The following VWA3B variants were observed in gnomAD, a reference collection of about 807,000 sequenced individuals.
VWA3B encodes the protein von Willebrand factor A domain-containing protein 3B.
VWA3B carries 138 observed loss-of-function variants against 158.3 expected under a neutral mutation model. The observed-to-expected ratio is 0.87, with a 90% CI of 0.76 to 1.00. The LOEUF (loss-of-function observed/expected upper bound fraction) is 1.00, where lower values mean the gene tolerates loss of function less well. Among genes scored for constraint, VWA3B ranks in the 50% least tolerant of loss-of-function variants. The probability of loss-of-function intolerance (pLI) is 0.00; values close to 1 mark genes in which losing one functional copy is unlikely to be tolerated. For synonymous variants in VWA3B, 596 were observed against 587.3 expected, an observed-to-expected ratio of 1.01 and a Z score of -0.21; for missense variants, 1,555 against 1,565.1, an observed-to-expected ratio of 0.99 and a Z score of 0.11.
the VWA3B span, among the ~76,000 whole-genome samples, chr2:98,325,288 A>G: frequency 6.6e-6 from 1 of 152,220 alleles, no homozygotes; most frequent in African/African-American, 2.4e-5. Flanking sequence ...ATAAAAAACG[A>G]CACATCACAT....
At chr2:98,245,554 G>A (rs1686340371) in intron 19 of VWA3B, 2 of 456,886 alleles carry the variant, frequency 4.4e-6, no homozygotes, top group East Asian at 6.9e-5. Context: ...TCACACTGAA[G>A]CACACAATGG....
In VWA3B at chr2:98,124,984, C is replaced by T. The variant is rs187698067; in HGVS notation, c.703-3255C>T. Among the ~76,000 whole-genome samples the T allele has an allele frequency of 1.5e-3, 221 of 152,332 alleles. 2 individuals are homozygous for T. Among genetic ancestry groups the T allele is most frequent in the Admixed American group, 0.011 (165 of 15,300 alleles). On this transcript the variant is annotated intron_variant, in intron 5 of 27. Coordinates refer to ENST00000477737, the MANE Select transcript of VWA3B (RefSeq NM_144992.5). ...TATGAAGTGGCAAGAGCTTTTTACT[C>T]ACTCTAAAGGAGCTGAATGGAACTC...
chr2:98,240,760 G>A (rs1204622345), intron 19 of VWA3B, among the ~76,000 whole-genome samples: 2 of 152,078 alleles, frequency 1.3e-5, no homozygotes. Flanking sequence ...CCAACAGTTA[G>A]AAATTTTTTT....
chr2:98,180,495 C>T (rs911718494), intron 8 of VWA3B, among the ~76,000 whole-genome samples: 1 of 152,350 alleles, frequency 6.6e-6, no homozygotes, highest in Admixed American at 6.5e-5. Flanking sequence ...CCTGGCCTCA[C>T]ATAACTTTTC....
intron 10 of VWA3B, among the ~76,000 whole-genome samples, chr2:98,192,576 A>T (rs1276554195): frequency 6.6e-6 from 1 of 152,272 alleles, no homozygotes; most frequent in Non-Finnish European, 1.5e-5. Flanking sequence ...AGCCATCTGG[A>T]TGTGTATGTG....
At chr2:98,107,485 A>T (rs1673761192) in intron 2 of VWA3B, among the ~76,000 whole-genome samples, 1 of 152,102 alleles carries the variant, frequency 6.6e-6, no homozygotes, top group East Asian at 1.9e-4. Flanking sequence ...ATTTGGTAAA[A>T]TTCTCCAGTG....
Position 98,270,859 on chromosome 2 carries a change from T to A in VWA3B, c.3021T>A (p.Asn1007Lys). The A allele has an allele frequency of 1.2e-6, 2 of 1,613,994 alleles. No homozygotes were observed. The highest frequency in any genetic ancestry group is 1.7e-6 in the Non-Finnish European group (2 of 1,179,914). ...AMELQEAAKK[N>K]YANKAPGEQQ... is the part of the protein sequence containing the mutation. Reference sequence around the variant, plus strand: ...AACTCCAGGAGGCTGCCAAGAAGAATTATGCAAACAAGGCCCCGGGAGAGG... The same window carrying A: ...AACTCCAGGAGGCTGCCAAGAAGAAATATGCAAACAAGGCCCCGGGAGAGG... The change falls in exon 22 of 28, where the codon AAT becomes AAA. Residue 1007 changes from asparagine to lysine, a missense_variant. By Grantham distance (94) the Asn-to-Lys change is moderately conservative (BLOSUM62 0). Transcript: ENST00000477737.
intron 21 of VWA3B, among the ~76,000 whole-genome samples, chr2:98,265,457 G>A (rs946941225): frequency 1.3e-5 from 2 of 151,954 alleles, no homozygotes; most frequent in Non-Finnish European, 2.9e-5. Context: ...TGGACATTTG[G>A]GTTGGTTCCA....
At chr2:98,180,283 C>T (rs1312222970) in intron 8 of VWA3B, among the ~76,000 whole-genome samples, 1 of 152,174 alleles carries the variant, frequency 6.6e-6, no homozygotes, top group Non-Finnish European at 1.5e-5. Context: ...CAACCTCCGC[C>T]TCCCAGGTTG....
chr2:98,329,196 T>TA, the VWA3B span, among the ~76,000 whole-genome samples: 1 of 152,164 alleles, frequency 6.6e-6, no homozygotes, highest in African/African-American at 2.4e-5. Flanking sequence ...GGAAATAGAT[T>TA]AGATCATAGA....
chr2:98,292,899 G>A (rs1418592951), intron 23 of VWA3B, among the ~76,000 whole-genome samples: 2 of 151,984 alleles, frequency 1.3e-5, no homozygotes, highest in African/African-American at 4.8e-5. Context: ...AGAAGACAGA[G>A]GTTGCAGTGA....
intron 10 of VWA3B, 38 bp from the exon 11 acceptor site, chr2:98,192,860 G>C (rs771881190): frequency 5.6e-6 from 9 of 1,614,022 alleles, no homozygotes; most frequent in Non-Finnish European, 6.8e-6. Flanking sequence ...GTTGCCTGCA[G>C]GCTCTCACCA....
At chr2:98,284,927 A>G (rs1358039725) in intron 22 of VWA3B, among the ~76,000 whole-genome samples, 1 of 152,184 alleles carries the variant, frequency 6.6e-6, no homozygotes, top group Non-Finnish European at 1.5e-5. Context: ...TGATTTGTAG[A>G]TGGATTCGGA....
intron 23 of VWA3B, among the ~76,000 whole-genome samples, chr2:98,295,607 T>C (rs1318191693): frequency 2.0e-5 from 3 of 151,440 alleles, no homozygotes; most frequent in African/African-American, 7.3e-5. Context: ...CCCGCCAGCC[T>C]CTGCCCAGAG....
At chr2:98,322,814 G>GAA in the VWA3B span, among the ~76,000 whole-genome samples, 5 of 152,214 alleles carry the variant, frequency 3.3e-5, no homozygotes, top group East Asian at 5.8e-4. Flanking sequence ...TAGGCATAGG[G>GAA]AAAACACCCA....
intron 7 of VWA3B, among the ~76,000 whole-genome samples, chr2:98,135,319 ATTTTTCTT>A (rs1676179626): frequency 1.9e-5 from 2 of 106,452 alleles, no homozygotes; most frequent in Non-Finnish European, 3.9e-5. Flanking sequence ...ATACAAAAAC[ATTTTTCTT>A]TTTTTTTTTT....
chr2:98,134,952 G>GC (rs367883910), intron 7 of VWA3B, among the ~76,000 whole-genome samples: 2 of 151,998 alleles, frequency 1.3e-5, no homozygotes, highest in African/African-American at 4.8e-5. Flanking sequence ...TTCACTGGAG[G>GC]CACTACTTCA....
chr2:98,174,508 C>T lies in VWA3B; in HGVS notation c.1115-6508C>T, dbSNP rs144933539. ...TGGGAAAAGCCTTTTCCCTGGGAAC[C>T]GTTGTCAAAAACAATGAGAGGTGAT... On this transcript the variant is annotated intron_variant, in intron 8 of 27. Coordinates refer to ENST00000477737, the MANE Select transcript of VWA3B (RefSeq NM_144992.5). Among the ~76,000 whole-genome samples, 506 of 152,298 alleles carry T rather than the reference C, an allele frequency of 3.3e-3. 3 individuals carry two copies. The highest frequency in any genetic ancestry group is 0.011 in the African/African-American group (469 of 41,554).
At chr2:98,186,156 G>A (rs1240573640) in intron 9 of VWA3B, among the ~76,000 whole-genome samples, 2 of 97,514 alleles carry the variant, frequency 2.1e-5, no homozygotes, top group Non-Finnish European at 3.9e-5. Flanking sequence ...TCACTTCCTT[G>A]AATTTTTTTT....
Sources: gnomAD v4.1 joint callset for allele counts (sites outside exome capture counted in the v4.1 genomes callset) on GRCh38, gnomAD v4.1.1 for gene constraint, MANE v1.5 for transcripts, NCBI Gene and HGNC (gene_info 2026-07-23, HGNC 2026-07-21) for gene names.